HNF4G: variants seen among roughly 807,000 people sequenced by gnomAD.
HNF4G encodes hepatocyte nuclear factor 4 gamma, also known as hepatocyte nuclear factor 4-gamma.
A neutral mutation model predicts 50.9 loss-of-function variants in HNF4G; 21 were observed. The ratio of observed to expected loss-of-function variants is 0.41; its 90% CI spans 0.29 to 0.59. HNF4G has a LOEUF of 0.59. HNF4G is among the 20% of genes least tolerant of loss of function. The pLI, the probability that HNF4G is intolerant of heterozygous loss-of-function variation, is 0.26. For synonymous variants in HNF4G, 198 were observed against 185.6 expected, an observed-to-expected ratio of 1.07 and a Z score of -0.54; for missense variants, 527 against 559.4, an observed-to-expected ratio of 0.94 and a Z score of 0.58.
chr8:75,523,251 T>C (rs1378680091), intron 2 of HNF4G, among the ~76,000 whole-genome samples: 1 of 151,852 alleles, frequency 6.6e-6, no homozygotes, highest in East Asian at 1.9e-4. Context: ...GAAAGACAAT[T>C]TTTCAATCCC....
At chr8:75,539,245 C>G (rs1257800211), upstream of HNF4G, among the ~76,000 whole-genome samples, 2 of 152,124 alleles carry the variant, frequency 1.3e-5, no homozygotes, top group Non-Finnish European at 2.9e-5. Flanking sequence ...CTCCCATGTA[C>G]TAGCAGCTGT....
At chr8:75,466,715 A>G (rs117989404) in intron 1 of HNF4G, among the ~76,000 whole-genome samples, 14,664 of 140,436 alleles carry the variant, frequency 0.1, 834 homozygotes, top group Non-Finnish European at 0.12. Context: ...TCTTTTTCAG[A>G]CAGGACCTCA....
intron 1 of HNF4G, among the ~76,000 whole-genome samples, chr8:75,415,333 T>A (rs926500889): frequency 6.6e-6 from 1 of 152,114 alleles, no homozygotes; most frequent in African/African-American, 2.4e-5. Context: ...TTTATTCTTA[T>A]ACAAGGGATA....
intron 2 of HNF4G, among the ~76,000 whole-genome samples, chr8:75,529,216 G>T (rs1220667716): frequency 2.0e-5 from 3 of 152,010 alleles, no homozygotes; most frequent in Non-Finnish European, 4.4e-5. Context: ...GCGTGAACCC[G>T]GCAGGCGGAG....
At chr8:75,463,675 CT>C (rs1811904263) in intron 1 of HNF4G, among the ~76,000 whole-genome samples, 1 of 151,588 alleles carries the variant, frequency 6.6e-6, no homozygotes, top group Non-Finnish European at 1.5e-5. Flanking sequence ...TCAAGTTTTC[CT>C]TTCTTCAGCA....
intron 1 of HNF4G, among the ~76,000 whole-genome samples, chr8:75,417,171 G>C (rs1240956340): frequency 6.6e-6 from 1 of 151,964 alleles, no homozygotes; most frequent in Non-Finnish European, 1.5e-5. Flanking sequence ...TCAGCATTCT[G>C]TTATTTTTAT....
intron 2 of HNF4G, among the ~76,000 whole-genome samples, chr8:75,503,424 G>A (rs1489283488): frequency 1.3e-5 from 2 of 152,166 alleles, no homozygotes; most frequent in African/African-American, 4.8e-5. Context: ...AAGAGTGATA[G>A]TTCAAGAGAG....
At chr8:75,547,314 C>T (rs4506185) in intron 2 of HNF4G, among the ~76,000 whole-genome samples, 1,704 of 152,254 alleles carry the variant, frequency 0.011, 41 homozygotes, top group African/African-American at 0.039. Flanking sequence ...CTAGGTTTGG[C>T]TTTCATGACT....
At chr8:75,465,328 A>C (rs1678542646) in intron 1 of HNF4G, among the ~76,000 whole-genome samples, 1 of 152,206 alleles carries the variant, frequency 6.6e-6, no homozygotes, top group Admixed American at 6.5e-5. Context: ...ATAAAGTTAT[A>C]GTGTTTCCAG....
chr8:75,564,125 A>G lies in HNF4G; in HGVS notation c.*29A>G. The G allele has an allele frequency of 6.2e-7, 1 of 1,609,294 alleles. No homozygotes were observed. The highest frequency in any genetic ancestry group is 2.2e-5 in the East Asian group (1 of 44,794). Reference sequence around the variant, plus strand: ...TGTGTTTACTTCAGAACGGCACTACATAAATGTGAAAAGTTGTTGATCTTG... The same window carrying G: ...TGTGTTTACTTCAGAACGGCACTACGTAAATGTGAAAAGTTGTTGATCTTG... On this transcript the variant is annotated 3_prime_UTR_variant, in exon 10 of 10. Coordinates refer to ENST00000396423, the MANE Select transcript of HNF4G (RefSeq NM_004133.5).
Position 75,565,124 on chromosome 8 carries a change from A to G in HNF4G, c.*1028A>G, listed in dbSNP as rs896807306. The G allele has an allele frequency of 6.6e-6, 1 of 152,198 alleles. No individual in the cohort carries two copies. The highest frequency in any genetic ancestry group is 2.1e-4 in the South Asian group (1 of 4,826). 9.4% of individuals were successfully genotyped at this position (152,198 alleles called of 1,614,324 possible). A position where few individuals can be genotyped will look rare whatever the true frequency, so the allele number is the denominator to read the frequency against. On this transcript the variant is annotated 3_prime_UTR_variant, in exon 10 of 10. Transcript: ENST00000396423. ...TTTAAGGAACATAACCAAAGTTCAC[A>G]AACATAACGAGTGAGAGAAACACAT...
intron 2 of HNF4G, among the ~76,000 whole-genome samples, chr8:75,491,211 G>A (rs1812620868): frequency 6.6e-6 from 1 of 152,012 alleles, no homozygotes; most frequent in Admixed American, 6.6e-5. Flanking sequence ...GAATAAATGT[G>A]GTATATTTGG....
chr8:75,558,594 G>A lies in HNF4G; in HGVS notation c.810G>A (p.Leu270=). The change falls in exon 7 of 10, where the codon CTG becomes CTA. Residue 270 remains leucine, a synonymous_variant. Transcript: ENST00000396423. Reference sequence around the variant, plus strand: ...TGGCCAATCGTGTTCTAGATGAGCTGGTTAGACCATTTCAAGAAATCCAGA... The same window carrying A: ...TGGCCAATCGTGTTCTAGATGAGCTAGTTAGACCATTTCAAGAAATCCAGA... ...SRVANRVLDE[L]VRPFQEIQID... The A allele has an allele frequency of 1.2e-6, 2 of 1,613,736 alleles. No homozygotes were observed. The highest frequency in any genetic ancestry group is 1.7e-6 in the Non-Finnish European group (2 of 1,179,720).
At chr8:75,423,704 T>G (rs2130496857) in intron 1 of HNF4G, among the ~76,000 whole-genome samples, 1 of 150,680 alleles carries the variant, frequency 6.6e-6, no homozygotes, top group South Asian at 2.1e-4. Flanking sequence ...ATGACTATTC[T>G]TAATTATAAA....
intron 2 of HNF4G, among the ~76,000 whole-genome samples, chr8:75,511,715 C>T (rs1241338636): frequency 1.3e-5 from 2 of 152,288 alleles, no homozygotes; most frequent in African/African-American, 2.4e-5. Flanking sequence ...CTCAGCCTCC[C>T]GTGTAGCTGG....
intron 1 of HNF4G, chr8:75,408,216 C>G (rs1810409873): frequency 6.6e-6 from 1 of 151,242 alleles, no homozygotes; most frequent in Non-Finnish European, 1.5e-5. Context: ...CAGTCCTCTA[C>G]CTTAGAAAAG....
intron 1 of HNF4G, chr8:75,485,824 C>A (rs560611159): frequency 6.6e-6 from 1 of 152,160 alleles, no homozygotes; most frequent in Non-Finnish European, 1.5e-5. Flanking sequence ...GAAGTAAGTA[C>A]AAATGAGCAA....
chr8:75,511,686 G>T (rs956833680), intron 2 of HNF4G, among the ~76,000 whole-genome samples: 1 of 152,234 alleles, frequency 6.6e-6, no homozygotes, highest in African/African-American at 2.4e-5. Context: ...TGCCTCCCGG[G>T]TTCACGCCAT....
intron 2 of HNF4G, among the ~76,000 whole-genome samples, chr8:75,511,601 A>AT (rs930940736): frequency 1.1e-4 from 16 of 152,072 alleles, no homozygotes; most frequent in East Asian, 3.9e-4. Context: ...TTATTTATTT[A>AT]TTTTTTTTGA....
Sources: allele counts gnomAD v4.1 joint callset (sites outside exome capture counted in the v4.1 genomes callset), GRCh38; gene constraint gnomAD v4.1.1; transcripts MANE v1.5; gene names NCBI Gene and HGNC (gene_info 2026-07-23, HGNC 2026-07-21).